The following SPNS3 variants were observed in gnomAD, a reference collection of about 807,000 sequenced individuals.
SPNS3 encodes the protein SPNS lysolipid transporter 3, sphingosine-1-phosphate (putative), also known as protein spinster homolog 3.
Under a neutral mutation model 54.4 loss-of-function variants are expected in SPNS3, and 51 were observed. That is an observed-to-expected ratio of 0.94 (90% CI 0.75 to 1.18). The LOEUF (loss-of-function observed/expected upper bound fraction) is 1.18. Among genes scored for constraint, SPNS3 ranks in the 50% most tolerant of loss-of-function variants. The probability of loss-of-function intolerance (pLI) is 0.00; values close to 1 mark genes in which losing one functional copy is unlikely to be tolerated. For missense variants in SPNS3, 669 were observed against 677.4 expected (o/e 0.99, Z 0.14); for synonymous variants, 309 against 294.7 (o/e 1.05, Z -0.50).
chr17:4,450,720 C>A (rs1971140085), intron 7 of SPNS3, among the ~76,000 whole-genome samples: 1 of 151,852 alleles, frequency 6.6e-6, no homozygotes, highest in Non-Finnish European at 1.5e-5. Context: ...CCTCAGCCTC[C>A]CGAGTAGCTA....
intron 5 of SPNS3, among the ~76,000 whole-genome samples, chr17:4,447,934 A>G (rs1179097478): frequency 1.3e-5 from 2 of 152,156 alleles, no homozygotes; most frequent in African/African-American, 2.4e-5. Flanking sequence ...AGTCCCAAAG[A>G]GTCTCCACTC....
At chr17:4,474,161 A>G (rs910683803) in intron 8 of SPNS3, among the ~76,000 whole-genome samples, 8 of 152,240 alleles carry the variant, frequency 5.3e-5, no homozygotes, top group Middle Eastern at 6.8e-3. Context: ...GTCTGGGAGG[A>G]CGCAAAGGTT....
intron 9 of SPNS3, among the ~76,000 whole-genome samples, chr17:4,480,945 T>C (rs143798670): frequency 5.3e-5 from 8 of 152,126 alleles, no homozygotes; most frequent in Non-Finnish European, 1.0e-4. Flanking sequence ...GTAGCCCCTA[T>C]AGTTCGGTTC....
At chr17:4,471,663 A>G (rs1298757585) in intron 8 of SPNS3, among the ~76,000 whole-genome samples, 1 of 150,870 alleles carries the variant, frequency 6.6e-6, no homozygotes, top group Non-Finnish European at 1.5e-5. Context: ...GCAGGGTTTC[A>G]CCATGTTTCC....
At chr17:4,441,981 GAAGTGT>G (rs1412150847) in intron 2 of SPNS3, among the ~76,000 whole-genome samples, 4 of 89,036 alleles carry the variant, frequency 4.5e-5, no homozygotes, top group Non-Finnish European at 9.8e-5. Context: ...CACGGAGGGA[GAAGTGT>G]GTGTGTGTGT....
chr17:4,437,338 A>G (rs1238065153), intron 1 of SPNS3, among the ~76,000 whole-genome samples: 1 of 152,044 alleles, frequency 6.6e-6, no homozygotes, highest in African/African-American at 2.4e-5. Context: ...TCGTTTAGCT[A>G]TTTATTTTGC....
intron 7 of SPNS3, among the ~76,000 whole-genome samples, chr17:4,450,917 G>A (rs1971147721): frequency 6.6e-6 from 1 of 151,882 alleles, no homozygotes; most frequent in African/African-American, 2.4e-5. Flanking sequence ...CGAACTTACA[G>A]ATCCTTAAGG....
chr17:4,447,400 GC>G (rs1188138504), intron 5 of SPNS3, among the ~76,000 whole-genome samples: 1 of 152,222 alleles, frequency 6.6e-6, no homozygotes, highest in Non-Finnish European at 1.5e-5. Flanking sequence ...TGCCGGGCAG[GC>G]CCCGCTGGGG....
intron 2 of SPNS3, among the ~76,000 whole-genome samples, chr17:4,442,666 T>A (rs1369353746): frequency 6.6e-6 from 1 of 152,210 alleles, no homozygotes; most frequent in African/African-American, 2.4e-5. Flanking sequence ...TAACACTGAC[T>A]TGGCCCTTAC....
chr17:4,437,809 C>G lies in SPNS3; in HGVS notation c.200-1849C>G, dbSNP rs8065096. 2.7e-3 allele frequency among the ~76,000 whole-genome samples: 383 copies of G among 141,434 alleles called. 1 individual carries two copies. The highest frequency in any genetic ancestry group is 9.6e-3 in the African/African-American group (365 of 38,184). The allele number at this position is 141,434 out of a possible 152,430, so 92.8% of individuals were successfully genotyped here. A position where few individuals can be genotyped will look rare whatever the true frequency, so the allele number is the denominator to read the frequency against. ...ATTTCTTTTTTTTTTTTTTTGGAGA[C>G]GGAGTCTCACTCTGTCGCCCAGGCT... On this transcript the variant is annotated intron_variant, in intron 1 of 11. Transcript: ENST00000355530.
At chr17:4,437,309 G>A (rs1970739315) in intron 1 of SPNS3, among the ~76,000 whole-genome samples, 1 of 152,082 alleles carries the variant, frequency 6.6e-6, no homozygotes, top group Non-Finnish European at 1.5e-5. Flanking sequence ...ATGGAAGATG[G>A]GCACAATTTG....
At chr17:4,454,243 A>C (rs1442405071) in intron 8 of SPNS3, among the ~76,000 whole-genome samples, 1 of 152,206 alleles carries the variant, frequency 6.6e-6, no homozygotes, top group Non-Finnish European at 1.5e-5. Context: ...CCCTGTGTGC[A>C]GCCGTGTCCC....
intron 8 of SPNS3, among the ~76,000 whole-genome samples, chr17:4,456,719 T>TC (rs1971325304): frequency 6.6e-6 from 1 of 151,630 alleles, no homozygotes; most frequent in South Asian, 2.1e-4. Flanking sequence ...TGTGTTTTTT[T>TC]TGGTTTTTTT....
intron 8 of SPNS3, among the ~76,000 whole-genome samples, chr17:4,465,956 G>A (rs1035916939): frequency 3.3e-5 from 5 of 152,176 alleles, no homozygotes; most frequent in African/African-American, 1.2e-4. Flanking sequence ...CTAGTTCCAC[G>A]CTGCTCTTTT....
At chr17:4,470,552 C>T (rs992353686) in intron 8 of SPNS3, among the ~76,000 whole-genome samples, 2 of 152,104 alleles carry the variant, frequency 1.3e-5, no homozygotes, top group African/African-American at 4.8e-5. Context: ...ACATTTTGCT[C>T]ACCCCAAAAA....
intron 9 of SPNS3, among the ~76,000 whole-genome samples, chr17:4,484,123 A>G (rs113030464): frequency 0.012 from 1,780 of 152,286 alleles, 27 homozygotes; most frequent in African/African-American, 0.041. Flanking sequence ...GCCAGATCCT[A>G]GAGGGAGAAG....
rs1221806566 is a variant in SPNS3 at position 4,448,323 on chromosome 17, C to A, written c.770+20C>A. 3.3e-6 allele frequency: 5 copies of A among 1,514,654 alleles called. No individual in the cohort carries two copies. The highest frequency in any genetic ancestry group is 2.8e-5 in the African/African-American group (2 of 70,804). 93.8% of individuals were successfully genotyped at this position (1,514,654 alleles called of 1,614,324 possible). A position where few individuals can be genotyped will look rare whatever the true frequency, so the allele number is the denominator to read the frequency against. ...GAAAAAGTGAGTATCCCTGCTACCC[C>A]CTGCAAGGCACAGAAAAGCCCGTTT... On this transcript the variant is annotated intron_variant, in intron 6 of 11. Transcript: ENST00000355530.
intron 8 of SPNS3, among the ~76,000 whole-genome samples, chr17:4,463,407 A>AAAAC (rs1555531341): frequency 0.015 from 2,104 of 143,890 alleles, 62 homozygotes; most frequent in African/African-American, 0.052. Flanking sequence ...AAAAAAAAAA[A>AAAAC]AAAACAAAAC....
chr17:4,434,042 C>A lies in SPNS3; in HGVS notation c.75C>A (p.Gly25=), dbSNP rs764539990. 1 of 1,608,504 alleles carries A rather than the reference C, an allele frequency of 6.2e-7. No individual in the cohort carries two copies. Among genetic ancestry groups the A allele is most frequent in the Non-Finnish European group, 8.5e-7 (1 of 1,177,514 alleles). Reference sequence around the variant, plus strand: ...TGCAGGGCCAGTCCCCAGGGCCAGGCAGGCAGTGTCCCCCTCCCATCACGC... The same window carrying A: ...TGCAGGGCCAGTCCCCAGGGCCAGGAAGGCAGTGTCCCCCTCCCATCACGC... ...GGLQGQSPGP[G]RQCPPPITPT... is the part of the protein sequence containing the mutation. The change falls in exon 1 of 12, where the codon GGC becomes GGA. Residue 25 remains glycine, a synonymous_variant. Coordinates refer to ENST00000355530, the MANE Select transcript of SPNS3 (RefSeq NM_182538.5).
Sources: gnomAD v4.1 joint callset for allele counts (sites outside exome capture counted in the v4.1 genomes callset) on GRCh38, gnomAD v4.1.1 for gene constraint, MANE v1.5 for transcripts, NCBI Gene and HGNC (gene_info 2026-07-23, HGNC 2026-07-21) for gene names.